Variants in LINGO2 observed in about 807,000 individuals in gnomAD.
LINGO2 encodes leucine rich repeat and Ig domain containing 2, also known as leucine-rich repeat and immunoglobulin-like domain-containing nogo receptor-interacting protein 2.
LINGO2 carries 14 observed loss-of-function variants against 30.6 expected under a neutral mutation model. That is an observed-to-expected ratio of 0.46 (90% CI 0.30 to 0.72). The LOEUF is 0.72. LINGO2 is among the 30% of genes least tolerant of loss of function. The pLI is 0.07. For synonymous variants in LINGO2, 317 were observed against 288.5 expected (o/e 1.10, Z -1.00); for missense variants, 729 against 751.7 (o/e 0.97, Z 0.35).
chr9:28,713,590 T>C, the LINGO2 span, among the ~76,000 whole-genome samples: 1 of 152,158 alleles, frequency 6.6e-6, no homozygotes, highest in Admixed American at 6.5e-5. Context: ...ACAGGGCTTT[T>C]TGCTGTGTTC....
intron 1 of LINGO2, among the ~76,000 whole-genome samples, chr9:28,584,714 T>C (rs980594985): frequency 6.6e-6 from 1 of 152,074 alleles, no homozygotes; most frequent in Non-Finnish European, 1.5e-5. Flanking sequence ...TGTTATTAAA[T>C]AATCACTAGC....
chr9:28,256,895 T>C (rs1006000195), intron 4 of LINGO2, among the ~76,000 whole-genome samples: 12 of 151,910 alleles, frequency 7.9e-5, no homozygotes, highest in African/African-American at 2.7e-4. Context: ...ATTTTAAATA[T>C]ATGTTTAGCA....
intron 1 of LINGO2, among the ~76,000 whole-genome samples, chr9:28,544,345 G>C (rs2135474693): frequency 6.6e-6 from 1 of 152,214 alleles, no homozygotes; most frequent in African/African-American, 2.4e-5. Context: ...ACTGTATCTG[G>C]AAATCATACC....
At chr9:29,098,034 A>G in the LINGO2 span, among the ~76,000 whole-genome samples, 1 of 152,214 alleles carries the variant, frequency 6.6e-6, no homozygotes, top group Non-Finnish European at 1.5e-5. Flanking sequence ...TTTGACTTCT[A>G]GACTTAATGC....
In LINGO2 at chr9:28,053,135, A is replaced by G. The variant is rs10968308; in HGVS notation, c.-86-40730T>C. On this transcript the variant is annotated intron_variant, in intron 4 of 5. Coordinates refer to ENST00000379992, the Ensembl canonical transcript of LINGO2. ...ATAAGGTATAATGAGAGTCATAGGA[A>G]GGCTCCAGAATTTGACTTGGATTCA... is the stretch of plus-strand genomic sequence containing the variant. Among the ~76,000 whole-genome samples the G allele has an allele frequency of 7.2e-4, 109 of 152,246 alleles. 2 individuals are homozygous for G. In the East Asian group the frequency reaches 0.019, roughly 27 times the overall value.
the LINGO2 span, among the ~76,000 whole-genome samples, chr9:28,803,800 AT>A: frequency 6.6e-6 from 1 of 152,104 alleles, no homozygotes; most frequent in African/African-American, 2.4e-5. Flanking sequence ...AAATTTGATG[AT>A]AAATGTAACC....
the LINGO2 span, among the ~76,000 whole-genome samples, chr9:29,112,108 A>G: frequency 3.3e-5 from 5 of 151,834 alleles, no homozygotes; most frequent in African/African-American, 1.2e-4. Flanking sequence ...TGAATTTATT[A>G]TCTTTTAAAA....
At chr9:28,542,484 C>T (rs1821745792) in intron 1 of LINGO2, among the ~76,000 whole-genome samples, 1 of 152,010 alleles carries the variant, frequency 6.6e-6, no homozygotes, top group African/African-American at 2.4e-5. Context: ...GATTTCTTCC[C>T]TTACCTAAAG....
the LINGO2 span, among the ~76,000 whole-genome samples, chr9:28,911,537 A>G: frequency 1.8e-4 from 28 of 152,112 alleles, no homozygotes; most frequent in African/African-American, 6.8e-4. Flanking sequence ...AGAATTGTAA[A>G]TGAAATTCTC....
intron 2 of LINGO2, among the ~76,000 whole-genome samples, chr9:28,426,972 T>C (rs1823440128): frequency 6.6e-6 from 1 of 152,104 alleles, no homozygotes; most frequent in Admixed American, 6.6e-5. Flanking sequence ...ATAATTTCCT[T>C]TCAAAGGTGT....
chr9:28,315,004 C>T (rs1401917562), intron 3 of LINGO2, among the ~76,000 whole-genome samples: 3 of 85,638 alleles, frequency 3.5e-5, no homozygotes, highest in Non-Finnish European at 7.3e-5. Flanking sequence ...AGCAAGACTA[C>T]GTCTCAAAAA....
rs12551829 is a variant in LINGO2 at position 28,529,412 on chromosome 9, C to A, written c.-364-53387G>T. ...CAGGTGTCTAATACTGTTTTTCACA[C>A]GTTAATGACTCAATGGATTTATATC... On this transcript the variant is annotated intron_variant, in intron 1 of 5. Transcript: ENST00000379992. Among the ~76,000 whole-genome samples, 4 of 151,802 alleles carry A rather than the reference C, an allele frequency of 2.6e-5. No homozygotes were observed. The East Asian group carries it at 7.7e-4, about 29-fold the overall frequency.
chr9:29,036,619 C>G, the LINGO2 span, among the ~76,000 whole-genome samples: 2 of 151,894 alleles, frequency 1.3e-5, no homozygotes, highest in Non-Finnish European at 2.9e-5. Context: ...TGGGAGAGAT[C>G]GGAAATCTAG....
the LINGO2 span, among the ~76,000 whole-genome samples, chr9:28,891,149 C>A: frequency 6.6e-6 from 1 of 151,922 alleles, no homozygotes; most frequent in Non-Finnish European, 1.5e-5. Context: ...AACCAAGAAA[C>A]AGAGGAGGAA....
chr9:29,173,858 C>G, the LINGO2 span, among the ~76,000 whole-genome samples: 15 of 152,068 alleles, frequency 9.9e-5, no homozygotes, highest in African/African-American at 3.6e-4. Context: ...AAAATAAAAT[C>G]TCAGAAAATA....
chr9:28,977,449 A>C, the LINGO2 span, among the ~76,000 whole-genome samples: 667 of 152,210 alleles, frequency 4.4e-3, 2 homozygotes, highest in Non-Finnish European at 6.9e-3. Flanking sequence ...CATTATGTTT[A>C]TGATTTTTGA....
In LINGO2 at chr9:28,556,059, G is replaced by A. The variant is rs532537905; in HGVS notation, c.-364-80034C>T. On this transcript the variant is annotated intron_variant, in intron 1 of 5. Transcript: ENST00000379992. ...ATATCATACTGAATGGGCAAAAACT[G>A]GAAGCATTCCCTCTGAAAATGGGCA... Among the ~76,000 whole-genome samples the A allele has an allele frequency of 7.9e-5, 12 of 152,096 alleles. No homozygotes were observed. In the South Asian group the frequency reaches 1.9e-3, roughly 24 times the overall value.
chr9:29,170,018 C>T, the LINGO2 span, among the ~76,000 whole-genome samples: 1 of 151,816 alleles, frequency 6.6e-6, no homozygotes, highest in East Asian at 1.9e-4. Flanking sequence ...AAAACAACAA[C>T]AACAACAACA....
chr9:28,691,694 A>C, the LINGO2 span, among the ~76,000 whole-genome samples: 2 of 152,206 alleles, frequency 1.3e-5, no homozygotes, highest in Admixed American at 6.5e-5. Context: ...ACATTTATAT[A>C]AGGTATGTGC....
Sources: allele counts gnomAD v4.1 joint callset (sites outside exome capture counted in the v4.1 genomes callset), GRCh38; gene constraint gnomAD v4.1.1; transcripts MANE v1.5; gene names NCBI Gene and HGNC (gene_info 2026-07-23, HGNC 2026-07-21).